The following FAM120B variants were observed in gnomAD, a reference collection of about 807,000 sequenced individuals.
FAM120B encodes the protein constitutive coactivator of peroxisome proliferator-activated receptor gamma.
Under a neutral mutation model 96.3 loss-of-function variants are expected in FAM120B, and 83 were observed. The observed-to-expected ratio is 0.86, with a 90% CI of 0.72 to 1.03. FAM120B has a LOEUF of 1.03. Ranked by LOEUF, FAM120B falls within the 50% of genes least tolerant of loss-of-function variation. The pLI, the probability that FAM120B is intolerant of heterozygous loss-of-function variation, is 0.00. For missense variants in FAM120B, 1,027 were observed against 1,121.2 expected (o/e 0.92, Z 1.20); for synonymous variants, 407 against 402.7 (o/e 1.01, Z -0.13).
intron 8 of FAM120B, among the ~76,000 whole-genome samples, chr6:170,394,812 T>C (rs1215191733): frequency 6.6e-6 from 1 of 152,282 alleles, no homozygotes; most frequent in Non-Finnish European, 1.5e-5. Flanking sequence ...ACACTGCATG[T>C]GTGGTCACGC....
chr6:170,361,210 A>ACGTATATATG (rs1300589956), intron 6 of FAM120B, among the ~76,000 whole-genome samples: 2 of 96,538 alleles, frequency 2.1e-5, no homozygotes, highest in African/African-American at 8.1e-5. Flanking sequence ...ATATATATAT[A>ACGTATATATG]TATATATATA....
chr6:170,394,227 T>G (rs1032466003), intron 8 of FAM120B, among the ~76,000 whole-genome samples: 7 of 152,122 alleles, frequency 4.6e-5, no homozygotes, highest in African/African-American at 1.4e-4. Context: ...GGGAGGACAC[T>G]GGGGAAGGTG....
At chr6:170,319,218 C>T (rs920683934) in intron 2 of FAM120B, 94 bp downstream of exon 2, 7 of 1,259,872 alleles carry the variant, frequency 5.6e-6, no homozygotes, top group Non-Finnish European at 7.6e-6. Flanking sequence ...AGTGTTTGGC[C>T]ACTGAGAGGA....
chr6:170,375,223 A>G (rs1290940675), intron 6 of FAM120B, among the ~76,000 whole-genome samples: 1 of 152,228 alleles, frequency 6.6e-6, no homozygotes, highest in Admixed American at 6.5e-5. Context: ...CAATTTCAGT[A>G]TCTTTCTAAA....
chr6:170,294,889 A>C (rs1390144354), upstream of FAM120B, among the ~76,000 whole-genome samples: 4 of 152,230 alleles, frequency 2.6e-5, no homozygotes, highest in Non-Finnish European at 5.9e-5. The surrounding 1 kb of genome is among the most constrained non-coding windows in gnomAD (Gnocchi z 7.9). Context: ...ATTCGTAAGA[A>C]GAATTAGGGT....
chr6:170,377,073 A>G lies in FAM120B; in HGVS notation c.2284-11214A>G, dbSNP rs1273131518. 1.3e-3 allele frequency among the ~76,000 whole-genome samples: 163 copies of G among 127,828 alleles called. No homozygotes were observed. In the East Asian group the frequency reaches 0.018, roughly 14 times the overall value. 83.9% of individuals were successfully genotyped at this position (127,828 alleles called of 152,430 possible). On this transcript the variant is annotated intron_variant, in intron 6 of 10. Coordinates refer to ENST00000476287, the MANE Select transcript of FAM120B (RefSeq NM_032448.3). ...CCTAAACCCAGACGCCTGGGAGAAC[A>G]CAGGCTCACGCTGCTCGGTGCTGTG...
Position 170,318,010 on chromosome 6 carries a change from G to C in FAM120B, c.620G>C (p.Cys207Ser), listed in dbSNP as rs1294124080. The change falls in exon 2 of 11, where the codon TGC becomes TCC. Residue 207 changes from cysteine (C) to serine (S), a missense_variant. Coordinates refer to ENST00000476287, the MANE Select transcript of FAM120B (RefSeq NM_032448.3). ...GAGAGCCTGGACACCGTCATGCTCT[G>C]CAGAGAGAAGCTCTGTGAGAGTCTG... ...CLESLDTVML[C>S]REKLCESLGL... 6.2e-7 allele frequency: 1 copy of C among 1,613,848 alleles called. No homozygotes were observed. Among genetic ancestry groups the C allele is most frequent in the African/African-American group, 1.3e-5 (1 of 74,938 alleles).
rs1396762291 is a variant in FAM120B at position 170,318,735 on chromosome 6, G to T, written c.1345G>T (p.Val449Phe). 1 of 1,593,880 alleles carries T rather than the reference G, an allele frequency of 6.3e-7. No homozygotes were observed. Among genetic ancestry groups the T allele is most frequent in the African/African-American group, 1.4e-5 (1 of 72,710 alleles). Residue 449 changes from valine to phenylalanine, a missense_variant, in exon 2 of 11, where the codon GTT becomes TTT. Coordinates refer to ENST00000476287, the MANE Select transcript of FAM120B (RefSeq NM_032448.3). ...MYTDSEPRQE[V>F]PMYTGSEPRQ... ...TACAGACTCTGAACCCAGGCAAGAA[G>T]TTCCCATGTATACAGGCTCTGAACC...
intron 3 of FAM120B, among the ~76,000 whole-genome samples, chr6:170,329,344 G>T (rs1785838709): frequency 6.6e-6 from 1 of 152,196 alleles, no homozygotes; most frequent in African/African-American, 2.4e-5. Context: ...TTCTGTCTGG[G>T]ATAACAATCT....
At chr6:170,336,664 G>A (rs1440760685) in intron 4 of FAM120B, among the ~76,000 whole-genome samples, 1 of 152,172 alleles carries the variant, frequency 6.6e-6, no homozygotes, top group Non-Finnish European at 1.5e-5. Context: ...CTATCCATGA[G>A]CATGGAATGT....
intron 4 of FAM120B, among the ~76,000 whole-genome samples, chr6:170,340,042 TTAGGTTGGGG>T (rs1330178889): frequency 6.6e-6 from 1 of 152,216 alleles, no homozygotes; most frequent in African/African-American, 2.4e-5. Flanking sequence ...GTCTATCTTG[TTAGGTTGGGG>T]AAGTTCTCCT....
At chr6:170,299,410 C>T (rs1784095326) in intron 1 of FAM120B, among the ~76,000 whole-genome samples, 1 of 152,226 alleles carries the variant, frequency 6.6e-6, no homozygotes, top group Non-Finnish European at 1.5e-5. Context: ...TGTCTTCTCT[C>T]TTCTTGAGAG....
intron 3 of FAM120B, among the ~76,000 whole-genome samples, chr6:170,325,607 G>A (rs1335938836): frequency 1.3e-5 from 2 of 151,736 alleles, no homozygotes; most frequent in African/African-American, 4.8e-5. Flanking sequence ...TTGGGAGGCC[G>A]AGGCAGGCGG....
At chr6:170,291,157 C>A (rs935971863), upstream of FAM120B, 2 of 640,076 alleles carry the variant, frequency 3.1e-6, no homozygotes, top group Non-Finnish European at 5.7e-6. Flanking sequence ...CCGCCCCCAG[C>A]CCCCCCTTCC....
intron 9 of FAM120B, among the ~76,000 whole-genome samples, chr6:170,400,900 G>A (rs918361343): frequency 6.6e-6 from 1 of 152,164 alleles, no homozygotes; most frequent in African/African-American, 2.4e-5. Flanking sequence ...CAGGTCAAGT[G>A]CCAGGAAGGA....
rs374219155 is a variant in FAM120B at position 170,318,198 on chromosome 6, C to T, written c.808C>T (p.His270Tyr). 3 of 1,613,760 alleles carry T rather than the reference C, an allele frequency of 1.9e-6. No individual in the cohort carries two copies. The highest frequency in any genetic ancestry group is 1.3e-5 in the African/African-American group (1 of 74,876). ...TAACATCATATTAGCTGTGTCAGAC[C>T]ATATATCGAAAGTTCTTTACTTGTA... ...KGNIILAVSD[H>Y]ISKVLYLYQG... is the part of the protein sequence containing the mutation. The change falls in exon 2 of 11, where the codon CAT becomes TAT. Residue 270 changes from histidine to tyrosine, a missense_variant. This residue lies in a region of FAM120B where 880 missense variants were observed against 980.9 expected (regional missense o/e 0.90). Transcript: ENST00000476287.
intron 7 of FAM120B, among the ~76,000 whole-genome samples, chr6:170,389,248 A>T (rs778481520): frequency 6.6e-6 from 1 of 152,218 alleles, no homozygotes; most frequent in East Asian, 1.9e-4. Context: ...TACTCCTTAT[A>T]CAATAGCCCG....
chr6:170,329,862 G>A (rs186069812), intron 3 of FAM120B, among the ~76,000 whole-genome samples: 1 of 152,234 alleles, frequency 6.6e-6, no homozygotes, highest in Admixed American at 6.5e-5. Context: ...CCTGGACCAA[G>A]CCCACTGCCT....
chr6:170,376,764 A>G (rs1228562262), intron 6 of FAM120B, among the ~76,000 whole-genome samples: 1 of 152,252 alleles, frequency 6.6e-6, no homozygotes, highest in Non-Finnish European at 1.5e-5. Context: ...TGGACTAGCC[A>G]GATGGGAACA....
Sources: allele counts gnomAD v4.1 joint callset (sites outside exome capture counted in the v4.1 genomes callset), GRCh38; gene constraint gnomAD v4.1.1; regional missense constraint gnomAD v4.1.1; non-coding constraint Gnocchi (gnomAD v3.1); transcripts MANE v1.5; gene names NCBI Gene and HGNC (gene_info 2026-07-23, HGNC 2026-07-21).